OSBPL6: variants seen among roughly 807,000 people sequenced by gnomAD.
OSBPL6 encodes the protein oxysterol-binding protein-related protein 6.
A neutral mutation model predicts 125.8 loss-of-function variants in OSBPL6; 49 were observed. The observed-to-expected ratio is 0.39, with a 90% CI of 0.31 to 0.49. OSBPL6 has a LOEUF of 0.49. OSBPL6 is among the 20% of genes least tolerant of loss of function. The probability of loss-of-function intolerance (pLI) is 0.88; values close to 1 mark genes in which losing one functional copy is unlikely to be tolerated. For synonymous variants in OSBPL6, 394 were observed against 391.8 expected (o/e 1.01, Z -0.07); for missense variants, 986 against 1,135.4 (o/e 0.87, Z 1.89).
intron 23 of OSBPL6, among the ~76,000 whole-genome samples, chr2:178,393,059 G>A (rs1178403381): frequency 1.3e-5 from 2 of 152,140 alleles, no homozygotes; most frequent in Non-Finnish European, 2.9e-5. Context: ...GTTCCCCACA[G>A]AAGATAAGAT....
chr2:178,320,271 A>C, intron 3 of OSBPL6: 1 of 1,610,822 alleles, frequency 6.2e-7, no homozygotes, highest in Non-Finnish European at 8.5e-7. Context: ...GGAGGTATTG[A>C]GATCAATGAA....
At chr2:178,376,502 A>G (rs1693888251) in intron 15 of OSBPL6, among the ~76,000 whole-genome samples, 2 of 151,756 alleles carry the variant, frequency 1.3e-5, no homozygotes, top group African/African-American at 4.8e-5. Context: ...CACCTAGATC[A>G]CCCCATCAGT....
chr2:178,366,282 A>G (rs936111658), intron 13 of OSBPL6, among the ~76,000 whole-genome samples: 1 of 152,234 alleles, frequency 6.6e-6, no homozygotes, highest in Non-Finnish European at 1.5e-5. Flanking sequence ...TTACCATAAT[A>G]ATAAAAATCC....
intron 2 of OSBPL6, among the ~76,000 whole-genome samples, chr2:178,293,105 G>A (rs1179788691): frequency 6.6e-6 from 1 of 152,076 alleles, no homozygotes; most frequent in African/African-American, 2.4e-5. Flanking sequence ...GAAGTCTCGG[G>A]TAAAGGGTGT....
At chr2:178,358,962 G>A (rs1289123993) in intron 12 of OSBPL6, among the ~76,000 whole-genome samples, 1 of 152,002 alleles carries the variant, frequency 6.6e-6, no homozygotes, top group African/African-American at 2.4e-5. Context: ...TTGAGGCCAG[G>A]AATTCGAGAC....
intron 1 of OSBPL6, among the ~76,000 whole-genome samples, chr2:178,273,965 T>C (rs780180439): frequency 5.9e-5 from 9 of 152,252 alleles, no homozygotes; most frequent in South Asian, 2.1e-4. Context: ...GAAAGCTGAG[T>C]CATTGAGCTC....
chr2:178,205,832 G>A (rs1382300394), intron 1 of OSBPL6, among the ~76,000 whole-genome samples: 3 of 152,122 alleles, frequency 2.0e-5, no homozygotes, highest in South Asian at 2.1e-4. Flanking sequence ...GCATTATGTC[G>A]CTAAGCAGCA....
intron 12 of OSBPL6, among the ~76,000 whole-genome samples, chr2:178,361,452 G>A (rs1176955782): frequency 2.0e-5 from 3 of 152,076 alleles, no homozygotes; most frequent in Non-Finnish European, 2.9e-5. Context: ...TTGTTGGCCT[G>A]TCTGGTATAA....
chr2:178,292,542 A>T (rs937501645), intron 2 of OSBPL6, among the ~76,000 whole-genome samples: 6 of 152,214 alleles, frequency 3.9e-5, no homozygotes, highest in Non-Finnish European at 8.8e-5. Flanking sequence ...TTTTAGAACT[A>T]AGAGTCATCT....
chr2:178,375,649 C>T (rs374889177), intron 15 of OSBPL6, among the ~76,000 whole-genome samples: 19 of 152,200 alleles, frequency 1.2e-4, no homozygotes, highest in South Asian at 1.0e-3. Context: ...TCTCGAAATC[C>T]CGACCTCAGG....
At chr2:178,269,413 A>G (rs764333442) in intron 1 of OSBPL6, among the ~76,000 whole-genome samples, 12 of 152,240 alleles carry the variant, frequency 7.9e-5, no homozygotes, top group Non-Finnish European at 1.6e-4. Context: ...TCTTGGGTAT[A>G]TAACATGGAA....
chr2:178,307,533 T>C (rs1472618930), intron 3 of OSBPL6, among the ~76,000 whole-genome samples: 1 of 151,734 alleles, frequency 6.6e-6, no homozygotes, highest in Non-Finnish European at 1.5e-5. Flanking sequence ...AATCTGTGAT[T>C]ACACACAGTT....
In OSBPL6 at chr2:178,385,669, C is replaced by T. The variant is rs906593362; in HGVS notation, c.2077+148C>T. On this transcript the variant is annotated intron_variant, in intron 19 of 24. Transcript: ENST00000190611. ...TGGTGCAGAGCTCATTTTGAGAAAT[C>T]AAAATTCCTGGTTTCAACATGAAAC... 14 of 642,440 alleles carry T rather than the reference C, an allele frequency of 2.2e-5. No individual in the cohort carries two copies. The South Asian group carries it at 2.8e-4, about 13-fold the overall frequency. 39.8% of individuals were successfully genotyped at this position (642,440 alleles called of 1,614,324 possible). A position where few individuals can be genotyped will look rare whatever the true frequency, so the allele number is the denominator to read the frequency against.
intron 1 of OSBPL6, among the ~76,000 whole-genome samples, chr2:178,270,881 G>T (rs988116350): frequency 1.3e-5 from 2 of 152,148 alleles, no homozygotes; most frequent in Non-Finnish European, 2.9e-5. Flanking sequence ...CTTGAACTAG[G>T]TTTTATCAGG....
At chr2:178,219,732 A>G (rs889711567) in intron 1 of OSBPL6, among the ~76,000 whole-genome samples, 1 of 152,154 alleles carries the variant, frequency 6.6e-6, no homozygotes, top group Admixed American at 6.5e-5. Context: ...TAAATCCAAG[A>G]CCCATTTTAT....
chr2:178,391,926 G>A (rs1254888731), intron 22 of OSBPL6, among the ~76,000 whole-genome samples: 1 of 152,196 alleles, frequency 6.6e-6, no homozygotes, highest in African/African-American at 2.4e-5. Flanking sequence ...TGTACATCAG[G>A]CTTTATTCCA....
At chr2:178,307,878 C>G (rs1427283554) in intron 3 of OSBPL6, among the ~76,000 whole-genome samples, 1 of 152,124 alleles carries the variant, frequency 6.6e-6, no homozygotes, top group African/African-American at 2.4e-5. Context: ...GTTATTCTGC[C>G]TGTTGCACCC....
intron 15 of OSBPL6, among the ~76,000 whole-genome samples, chr2:178,376,189 C>T (rs1415515533): frequency 6.6e-6 from 1 of 152,062 alleles, no homozygotes; most frequent in African/African-American, 2.4e-5. Context: ...TAGACACTGA[C>T]ACCTGGTACT....
intron 1 of OSBPL6, among the ~76,000 whole-genome samples, chr2:178,283,321 A>G (rs1050441472): frequency 6.6e-6 from 1 of 152,156 alleles, no homozygotes. Flanking sequence ...AGTAAGTTGT[A>G]GCCTTAGAAT....
Sources: allele counts gnomAD v4.1 joint callset (sites outside exome capture counted in the v4.1 genomes callset), GRCh38; gene constraint gnomAD v4.1.1; transcripts MANE v1.5; gene names NCBI Gene and HGNC (gene_info 2026-07-23, HGNC 2026-07-21).